Variants in DCC observed in about 807,000 individuals in gnomAD.
DCC encodes the protein DCC netrin 1 receptor, also known as netrin receptor DCC.
In DCC, 58 loss-of-function variants were observed where a neutral mutation model predicts 172.5. The observed-to-expected ratio is 0.34, with a 90% confidence interval of 0.27 to 0.42. The LOEUF is 0.42. Among genes scored for constraint, DCC ranks in the 10% least tolerant of loss-of-function variants. The pLI is 1.00. For synonymous variants in DCC, 709 were observed against 644.5 expected, an observed-to-expected ratio of 1.10 and a Z score of -1.52; for missense variants, 1,740 against 1,791.0, an observed-to-expected ratio of 0.97 and a Z score of 0.51.
At chr18:52,852,209 C>G (rs2038985709) in intron 2 of DCC, among the ~76,000 whole-genome samples, 1 of 151,992 alleles carries the variant, frequency 6.6e-6, no homozygotes, top group Admixed American at 6.6e-5. Context: ...TATTTTATTT[C>G]TAGGATTGGT....
At chr18:53,163,339 A>C (rs1239410635) in intron 8 of DCC, among the ~76,000 whole-genome samples, 1 of 152,224 alleles carries the variant, frequency 6.6e-6, no homozygotes, top group Non-Finnish European at 1.5e-5. Flanking sequence ...TAAAAACTTT[A>C]ATTCCAAAAA....
At chr18:53,336,419 A>G (rs1465935721) in intron 14 of DCC, among the ~76,000 whole-genome samples, 1 of 152,212 alleles carries the variant, frequency 6.6e-6, no homozygotes, top group Non-Finnish European at 1.5e-5. Context: ...GTGAGTGGGC[A>G]TAAATTGGCT....
chr18:52,763,227 C>T (rs991143316), intron 2 of DCC, among the ~76,000 whole-genome samples: 1 of 152,196 alleles, frequency 6.6e-6, no homozygotes, highest in African/African-American at 2.4e-5. Flanking sequence ...AACACTTCAC[C>T]AACTAGAAAC....
At chr18:53,348,721 G>C (rs1191346885) in intron 15 of DCC, among the ~76,000 whole-genome samples, 1 of 152,164 alleles carries the variant, frequency 6.6e-6, no homozygotes, top group East Asian at 1.9e-4. Context: ...CATGGAAGCT[G>C]CCAAGACTTG....
intron 7 of DCC, among the ~76,000 whole-genome samples, chr18:53,153,594 C>A (rs554994843): frequency 2.0e-5 from 3 of 152,184 alleles, no homozygotes; most frequent in Admixed American, 6.5e-5. Flanking sequence ...CAAGTTGAAC[C>A]CCACTTTTCA....
chr18:53,037,874 CT>C (rs2042117892), intron 5 of DCC, among the ~76,000 whole-genome samples: 1 of 151,608 alleles, frequency 6.6e-6, no homozygotes, highest in South Asian at 2.1e-4. Flanking sequence ...AGATAAAATA[CT>C]GTGAAAATGT....
chr18:53,180,698 C>G (rs1255973954), intron 9 of DCC, among the ~76,000 whole-genome samples: 1 of 152,298 alleles, frequency 6.6e-6, no homozygotes, highest in African/African-American at 2.4e-5. Context: ...GAGTCTCACT[C>G]TCTTGCCCAG....
At chr18:53,429,195 C>T (rs1287009664) in intron 21 of DCC, among the ~76,000 whole-genome samples, 1 of 130,364 alleles carries the variant, frequency 7.7e-6, no homozygotes, top group African/African-American at 2.8e-5. Context: ...GCAAAGTGTA[C>T]TGCCTTTACT....
chr18:52,820,186 A>T (rs376177789), intron 2 of DCC, among the ~76,000 whole-genome samples: 1 of 152,202 alleles, frequency 6.6e-6, no homozygotes, highest in Non-Finnish European at 1.5e-5. Context: ...TGGGAAGGTT[A>T]ACAAGCAGAG....
intron 22 of DCC, among the ~76,000 whole-genome samples, chr18:53,445,189 T>A (rs974217744): frequency 3.3e-5 from 5 of 152,190 alleles, no homozygotes; most frequent in African/African-American, 1.2e-4. Context: ...TTACAGCATC[T>A]TATTTCAGGG....
intron 2 of DCC, among the ~76,000 whole-genome samples, chr18:52,830,051 T>C (rs1225533357): frequency 6.6e-6 from 1 of 151,932 alleles, no homozygotes; most frequent in Non-Finnish European, 1.5e-5. Flanking sequence ...AGGTACAAAG[T>C]TCTAGAGGTG....
At chr18:52,576,710 G>A (rs2033419044) in intron 1 of DCC, among the ~76,000 whole-genome samples, 1 of 151,706 alleles carries the variant, frequency 6.6e-6, no homozygotes, top group African/African-American at 2.4e-5. Context: ...GGCGCCTATT[G>A]TGCCAGCTAC....
chr18:52,889,697 A>T (rs2039620958), intron 2 of DCC, among the ~76,000 whole-genome samples: 1 of 151,962 alleles, frequency 6.6e-6, no homozygotes, highest in South Asian at 2.1e-4. Context: ...AGAGAATCCA[A>T]CCCTTTAGGG....
chr18:53,037,818 C>A (rs1336435307), intron 5 of DCC, among the ~76,000 whole-genome samples: 1 of 151,738 alleles, frequency 6.6e-6, no homozygotes, highest in Admixed American at 6.6e-5. Flanking sequence ...TGTAAAAGCA[C>A]AACTGATGAA....
At chr18:52,640,614 C>T (rs2144899338) in intron 1 of DCC, among the ~76,000 whole-genome samples, 1 of 150,976 alleles carries the variant, frequency 6.6e-6, no homozygotes, top group East Asian at 1.9e-4. Context: ...TTTACAATAG[C>T]TGCAAAAAAA....
intron 5 of DCC, among the ~76,000 whole-genome samples, chr18:52,961,408 C>T (rs78216234): frequency 0.014 from 2,083 of 152,196 alleles, 61 homozygotes; most frequent in African/African-American, 0.047. Flanking sequence ...GAAACAGCAA[C>T]GATGATCTAT....
chr18:53,023,590 A>C (rs2041915579), intron 5 of DCC, among the ~76,000 whole-genome samples: 1 of 152,028 alleles, frequency 6.6e-6, no homozygotes, highest in African/African-American at 2.4e-5. Context: ...AAGCTGGAGG[A>C]AAAACAAAAT....
chr18:53,283,350 C>T lies in DCC; in HGVS notation c.1912-22228C>T, dbSNP rs981655105. Reference sequence around the variant, plus strand: ...TTCTATTCCAGGAAAGAAAGAAGGACTCATTTTCTTCATTTTTTCTTCCTT... The same window carrying T: ...TTCTATTCCAGGAAAGAAAGAAGGATTCATTTTCTTCATTTTTTCTTCCTT... On this transcript the variant is annotated intron_variant, in intron 12 of 28. Coordinates refer to ENST00000442544, the MANE Select transcript of DCC (RefSeq NM_005215.4). 2.0e-5 allele frequency among the ~76,000 whole-genome samples: 3 copies of T among 152,126 alleles called. No homozygotes were observed. The East Asian group carries it at 5.8e-4, about 29-fold the overall frequency.
intron 1 of DCC, among the ~76,000 whole-genome samples, chr18:52,702,844 CT>C (rs1252367197): frequency 6.6e-6 from 1 of 152,070 alleles, no homozygotes; most frequent in African/African-American, 2.4e-5. Context: ...AATTTATTCT[CT>C]TCATCTTCCC....
Sources: allele counts gnomAD v4.1 joint callset (sites outside exome capture counted in the v4.1 genomes callset), GRCh38; gene constraint gnomAD v4.1.1; transcripts MANE v1.5; gene names NCBI Gene and HGNC (gene_info 2026-07-23, HGNC 2026-07-21).